USP8: variants seen among roughly 807,000 people sequenced by gnomAD.
USP8 encodes the protein ubiquitin specific peptidase 8.
In USP8, 27 loss-of-function variants were observed where a neutral mutation model predicts 130.0. That is an observed-to-expected ratio of 0.21 (90% CI 0.15 to 0.29). The LOEUF (loss-of-function observed/expected upper bound fraction) is 0.29. Ranked by LOEUF, USP8 falls within the 10% of genes least tolerant of loss-of-function variation. The pLI is 1.00. For missense variants in USP8, 1,029 were observed against 1,312.2 expected, an observed-to-expected ratio of 0.78 and a Z score of 3.33; for synonymous variants, 392 against 444.1, an observed-to-expected ratio of 0.88 and a Z score of 1.48.
chr15:50,479,397 A>G (rs2051685212), intron 10 of USP8, among the ~76,000 whole-genome samples: 1 of 152,178 alleles, frequency 6.6e-6, no homozygotes, highest in African/African-American at 2.4e-5. Flanking sequence ...GGAGAGAGGA[A>G]GTTATGATAG....
chr15:50,498,682 T>C lies in USP8; in HGVS notation c.3125T>C (p.Ile1042Thr). ...AATCTTGACTTGTCACAGTATGTTA[T>C]TGGTCCAAAGAACAATTTGAAGAAA... ...LENLDLSQYV[I>T]GPKNNLKKYN... The change falls in exon 19 of 20, where the codon ATT (isoleucine) becomes ACT (threonine). Residue 1042 changes from isoleucine to threonine, a missense_variant. By Grantham distance (89) the Ile-to-Thr change is moderately conservative (BLOSUM62 -1). Transcript: ENST00000307179. 1 of 1,613,226 alleles carries C rather than the reference T, an allele frequency of 6.2e-7. No individual in the cohort carries two copies. The highest frequency in any genetic ancestry group is 8.5e-7 in the Non-Finnish European group (1 of 1,179,412).
rs758420021 is a variant in USP8, at chr15:50,500,757, A to C, written c.*1669A>C. ...CTGGAATCTCACTGACTCGTGTGTT[A>C]TCAAAGCTATATCAGGCCTGGGTGA... On this transcript the variant is annotated 3_prime_UTR_variant, in exon 20 of 20. Transcript: ENST00000307179. The C allele has an allele frequency of 9.5e-6, 15 of 1,580,444 alleles. No individual in the cohort carries two copies. Among genetic ancestry groups the C allele is most frequent in the Non-Finnish European group, 1.3e-5 (15 of 1,162,140 alleles).
chr15:50,433,362 G>A (rs1030647869), intron 1 of USP8, among the ~76,000 whole-genome samples: 1 of 152,204 alleles, frequency 6.6e-6, no homozygotes, highest in South Asian at 2.1e-4. Flanking sequence ...TGCTGCCTAA[G>A]GGCAGAAATA....
chr15:50,449,304 C>T, intron 3 of USP8, 96 bp from the exon 4 acceptor site: 3 of 664,422 alleles, frequency 4.5e-6, no homozygotes, highest in South Asian at 3.4e-5. Flanking sequence ...AACAAACTTC[C>T]CTTTATATAA....
intron 8 of USP8, among the ~76,000 whole-genome samples, chr15:50,473,188 A>G (rs1336055803): frequency 6.6e-6 from 1 of 152,210 alleles, no homozygotes; most frequent in African/African-American, 2.4e-5. Context: ...GGTTTAAAAA[A>G]TAATACGGTT....
At chr15:50,430,221 A>G (rs2049887216) in intron 1 of USP8, among the ~76,000 whole-genome samples, 2 of 152,110 alleles carry the variant, frequency 1.3e-5, no homozygotes, top group Non-Finnish European at 2.9e-5. Flanking sequence ...CTTTAGAACT[A>G]GGGCTAGTTC....
At chr15:50,493,593 A>AAAT (rs2052261957) in intron 15 of USP8, 1 of 461,242 alleles carries the variant, frequency 2.2e-6, no homozygotes, top group Non-Finnish European at 4.3e-6. Flanking sequence ...GTCTCTACAA[A>AAAT]AATTAGCTAG....
intron 5 of USP8, among the ~76,000 whole-genome samples, chr15:50,460,600 CT>C (rs950929843): frequency 6.6e-6 from 1 of 151,978 alleles, no homozygotes. Context: ...TGAGCCACCA[CT>C]CCTGGCTTCT....
chr15:50,486,418 G>A (rs1379091603), intron 12 of USP8, among the ~76,000 whole-genome samples: 1 of 151,878 alleles, frequency 6.6e-6, no homozygotes, highest in Non-Finnish European at 1.5e-5. Flanking sequence ...TCCTGGGAAG[G>A]TCAAGGATAC....
chr15:50,501,085 C>G lies in USP8; in HGVS notation c.*1997C>G, dbSNP rs2052578067. ...AAAGAAAGACAATATTTAGCAGCATCTGATTAATGTTTATCAGTGAACATT... is the reference window on the plus strand; with the variant it reads ...AAAGAAAGACAATATTTAGCAGCATGTGATTAATGTTTATCAGTGAACATT... On this transcript the variant is annotated 3_prime_UTR_variant, in exon 20 of 20. Coordinates refer to ENST00000307179, the MANE Select transcript of USP8 (RefSeq NM_005154.5). 2.4e-6 allele frequency: 1 copy of G among 422,260 alleles called. No homozygotes were observed. The highest frequency in any genetic ancestry group is 3.5e-5 in the Admixed American group (1 of 28,578). The allele number at this position is 422,260 out of a possible 1,614,324, so 26.2% of individuals were successfully genotyped here.
At position 50,480,899 on chromosome 15, in the gene USP8, C is replaced by T. The variant is rs557883623; in HGVS notation, c.1219-582C>T. On this transcript the variant is annotated intron_variant, in intron 10 of 19. Transcript: ENST00000307179. ...TGGTGAGAGAGGAGGTTGACATGGT[C>T]TTAGCCTGTGGTAGAAGAGATGGAG... Among the ~76,000 whole-genome samples the T allele has an allele frequency of 3.3e-5, 5 of 152,142 alleles. No individual in the cohort carries two copies. In the South Asian group the frequency reaches 1.0e-3, roughly 32 times the overall value.
Position 50,507,736 on chromosome 15 carries a change from T to C in USP8, c.*8648T>C, listed in dbSNP as rs937826320. Reference sequence around the variant, plus strand: ...TACAATATATACTTAGATGAGTATCTGACTCCTGAAATAGAAGTGCACTGT... The same window carrying C: ...TACAATATATACTTAGATGAGTATCCGACTCCTGAAATAGAAGTGCACTGT... On this transcript the variant is annotated 3_prime_UTR_variant, in exon 20 of 20. Coordinates refer to ENST00000307179, the MANE Select transcript of USP8 (RefSeq NM_005154.5). 6.6e-6 allele frequency: 1 copy of C among 152,106 alleles called. No homozygotes were observed. Among genetic ancestry groups the C allele is most frequent in the Non-Finnish European group, 1.5e-5 (1 of 68,012 alleles). 9.4% of individuals were successfully genotyped at this position (152,106 alleles called of 1,614,324 possible). A position where few individuals can be genotyped will look rare whatever the true frequency, so the allele number is the denominator to read the frequency against.
intron 14 of USP8, among the ~76,000 whole-genome samples, chr15:50,491,379 G>A (rs907086312): frequency 2.0e-5 from 3 of 152,098 alleles, no homozygotes; most frequent in Non-Finnish European, 4.4e-5. Context: ...AGACTTATTC[G>A]AAGGAGCTTT....
chr15:50,429,226 A>C (rs2049847819), intron 1 of USP8, among the ~76,000 whole-genome samples: 1 of 152,144 alleles, frequency 6.6e-6, no homozygotes. Context: ...ATGTCTTTTT[A>C]ATAGAGTAAA....
intron 1 of USP8, among the ~76,000 whole-genome samples, chr15:50,429,981 G>A (rs573410719): frequency 1.3e-4 from 20 of 152,298 alleles, no homozygotes; most frequent in Non-Finnish European, 2.9e-5. Flanking sequence ...TAGTTTCTGG[G>A]AATGGTCCTT....
At chr15:50,439,208 A>G (rs1320407265) in intron 2 of USP8, 31 bp downstream of exon 2, 7 of 1,307,716 alleles carry the variant, frequency 5.4e-6, no homozygotes, top group Non-Finnish European at 6.2e-6. Context: ...GTTTGATTGA[A>G]TCAAATATTA....
intron 10 of USP8, among the ~76,000 whole-genome samples, chr15:50,478,885 T>C (rs2051663628): frequency 6.6e-6 from 1 of 151,956 alleles, no homozygotes; most frequent in African/African-American, 2.4e-5. Flanking sequence ...TGAAACCCCA[T>C]CTCTACTGAA....
chr15:50,482,092 A>G (rs775571478), intron 11 of USP8, 27 bp downstream of exon 11: 13 of 1,458,096 alleles, frequency 8.9e-6, no homozygotes, highest in South Asian at 8.0e-5. Context: ...CAAATTGCCA[A>G]CGAAGTGAAA....
intron 10 of USP8, among the ~76,000 whole-genome samples, chr15:50,478,977 C>A (rs1218101052): frequency 6.6e-6 from 1 of 152,098 alleles, no homozygotes; most frequent in African/African-American, 2.4e-5. Flanking sequence ...ATCACATGAA[C>A]CCAGGAAGCA....
Sources: allele counts gnomAD v4.1 joint callset (sites outside exome capture counted in the v4.1 genomes callset), GRCh38; gene constraint gnomAD v4.1.1; transcripts MANE v1.5; gene names NCBI Gene and HGNC (gene_info 2026-07-23, HGNC 2026-07-21).